The following PPP1R12A variants were observed in gnomAD, a reference collection of about 807,000 sequenced individuals.
PPP1R12A encodes protein phosphatase 1 regulatory subunit 12A.
A neutral mutation model predicts 139.6 loss-of-function variants in PPP1R12A; 19 were observed. That is an observed-to-expected ratio of 0.14 (90% CI 0.09 to 0.20). PPP1R12A has a LOEUF of 0.20. Ranked by LOEUF, PPP1R12A falls within the 10% of genes least tolerant of loss-of-function variation. The pLI, the probability that PPP1R12A is intolerant of heterozygous loss-of-function variation, is 1.00. For missense variants in PPP1R12A, 925 were observed against 1,211.5 expected (o/e 0.76, Z 3.51); for synonymous variants, 427 against 420.6 (o/e 1.02, Z -0.19).
chr12:79,797,160 C>T (rs777672092), intron 16 of PPP1R12A, 35 bp downstream of exon 16: 2 of 1,505,504 alleles, frequency 1.3e-6, no homozygotes, highest in South Asian at 2.5e-5. Flanking sequence ...CTATTCATAC[C>T]ATTTGACTTA....
intron 2 of PPP1R12A, among the ~76,000 whole-genome samples, chr12:79,867,762 G>T (rs1216371268): frequency 1.3e-5 from 2 of 152,096 alleles, no homozygotes; most frequent in East Asian, 3.9e-4. Context: ...TCCTGGGGGT[G>T]GTTACCCCTA....
intron 2 of PPP1R12A, among the ~76,000 whole-genome samples, chr12:79,863,802 G>T (rs1034503923): frequency 1.3e-5 from 2 of 152,012 alleles, no homozygotes; most frequent in African/African-American, 4.8e-5. Context: ...TCTTAAATAT[G>T]TATGCACCCA....
chr12:79,795,024 G>A (rs563008589), intron 18 of PPP1R12A, among the ~76,000 whole-genome samples: 20 of 152,164 alleles, frequency 1.3e-4, no homozygotes, highest in Non-Finnish European at 2.2e-4. Context: ...ATCATTCTGA[G>A]TGGTGATTAC....
chr12:79,926,858 T>C (rs865868285), intron 1 of PPP1R12A, among the ~76,000 whole-genome samples: 3 of 152,020 alleles, frequency 2.0e-5, no homozygotes, highest in Non-Finnish European at 4.4e-5. Flanking sequence ...GAATCAAATA[T>C]GTACATGTAC....
intron 9 of PPP1R12A, among the ~76,000 whole-genome samples, chr12:79,816,351 C>G (rs903553078): frequency 6.6e-6 from 1 of 151,668 alleles, no homozygotes; most frequent in African/African-American, 2.4e-5. Flanking sequence ...GAGATACATA[C>G]TGACATATTT....
intron 1 of PPP1R12A, among the ~76,000 whole-genome samples, chr12:79,890,631 A>G (rs1884495295): frequency 6.6e-6 from 1 of 152,168 alleles, no homozygotes; most frequent in Non-Finnish European, 1.5e-5. Flanking sequence ...GAGATTCTGA[A>G]AAGATGCTTT....
At chr12:79,857,133 G>T (rs12827466) in intron 2 of PPP1R12A, among the ~76,000 whole-genome samples, 15,563 of 151,934 alleles carry the variant, frequency 0.1, 2,105 homozygotes, top group African/African-American at 0.32. Flanking sequence ...ACATGCACAC[G>T]TATGTTTATT....
At chr12:79,883,310 T>C (rs766225389) in intron 1 of PPP1R12A, among the ~76,000 whole-genome samples, 8 of 152,154 alleles carry the variant, frequency 5.3e-5, no homozygotes, top group African/African-American at 9.7e-5. Context: ...TTACATTTAA[T>C]AGACTACGGT....
intron 19 of PPP1R12A, among the ~76,000 whole-genome samples, chr12:79,791,501 A>T (rs1037671809): frequency 6.6e-6 from 1 of 151,840 alleles, no homozygotes; most frequent in Non-Finnish European, 1.5e-5. Flanking sequence ...TAATTTCTTA[A>T]ATTTACTGTG....
intron 1 of PPP1R12A, among the ~76,000 whole-genome samples, chr12:79,890,403 T>C (rs184155603): frequency 2.0e-5 from 3 of 152,290 alleles, no homozygotes; most frequent in East Asian, 1.9e-4. Flanking sequence ...AATTGAAATG[T>C]AGTTAAAAAT....
chr12:79,916,278 A>C (rs1886989556), intron 1 of PPP1R12A, among the ~76,000 whole-genome samples: 1 of 152,200 alleles, frequency 6.6e-6, no homozygotes, highest in African/African-American at 2.4e-5. Flanking sequence ...AAATTTTAAA[A>C]GTCCTCTTTT....
intron 9 of PPP1R12A, among the ~76,000 whole-genome samples, chr12:79,815,907 G>A (rs1875312072): frequency 1.3e-5 from 2 of 152,138 alleles, no homozygotes; most frequent in South Asian, 2.1e-4. Flanking sequence ...AAACCAACAC[G>A]TTTCTACCAC....
chr12:79,828,601 A>G (rs1877063842), intron 4 of PPP1R12A, 137 bp from the exon 5 acceptor site: 1 of 699,824 alleles, frequency 1.4e-6, no homozygotes, highest in Non-Finnish European at 2.2e-6. Context: ...CCCCTCAATG[A>G]ATTAACTATG....
intron 14 of PPP1R12A, among the ~76,000 whole-genome samples, chr12:79,804,011 T>G (rs1220160896): frequency 6.6e-6 from 1 of 152,120 alleles, no homozygotes; most frequent in Non-Finnish European, 1.5e-5. Flanking sequence ...GCACTGAATC[T>G]CTATGCTAGA....
At chr12:79,905,362 T>C (rs1204472963) in intron 1 of PPP1R12A, among the ~76,000 whole-genome samples, 5 of 120,848 alleles carry the variant, frequency 4.1e-5, no homozygotes, top group African/African-American at 1.4e-4. Context: ...CCTTTTTTTT[T>C]GAAGGAGAGG....
rs542551445 is a variant in PPP1R12A at position 79,833,538 on chromosome 12, A to G, written c.488-1047T>C. Among the ~76,000 whole-genome samples the G allele has an allele frequency of 2.6e-5, 4 of 152,026 alleles. No homozygotes were observed. The East Asian group carries it at 7.8e-4, about 30-fold the overall frequency. On this transcript the variant is annotated intron_variant, in intron 3 of 24. Transcript: ENST00000450142. ...AATACCTGATACAAAGCAAAGGGAGATCAGAGCCAGGTGCGTTGGCTCACA... is the reference window on the plus strand; with the variant it reads ...AATACCTGATACAAAGCAAAGGGAGGTCAGAGCCAGGTGCGTTGGCTCACA...
At chr12:79,893,672 A>G (rs1228021068) in intron 1 of PPP1R12A, among the ~76,000 whole-genome samples, 1 of 152,238 alleles carries the variant, frequency 6.6e-6, no homozygotes, top group Non-Finnish European at 1.5e-5. Flanking sequence ...GAATGGATAC[A>G]TTGTAAAAAC....
chr12:79,786,603 T>A (rs1287538098), intron 21 of PPP1R12A, 125 bp from the exon 22 acceptor site: 1 of 563,818 alleles, frequency 1.8e-6, no homozygotes. Context: ...AGGATACATT[T>A]AAAAAATCCT....
chr12:79,926,863 A>C (rs1281521863), intron 1 of PPP1R12A, among the ~76,000 whole-genome samples: 1 of 152,156 alleles, frequency 6.6e-6, no homozygotes, highest in Non-Finnish European at 1.5e-5. Flanking sequence ...AAATATGTAC[A>C]TGTACGTATG....
Sources: allele counts gnomAD v4.1 joint callset (sites outside exome capture counted in the v4.1 genomes callset), GRCh38; gene constraint gnomAD v4.1.1; transcripts MANE v1.5; gene names NCBI Gene and HGNC (gene_info 2026-07-23, HGNC 2026-07-21).